Variants in PCDHA4 observed in about 807,000 individuals in gnomAD.
The protein encoded by PCDHA4 is protocadherin alpha 4, also known as protocadherin alpha-4.
A neutral mutation model predicts 61.4 loss-of-function variants in PCDHA4; 49 were observed. The ratio of observed to expected loss-of-function variants is 0.80; its 90% CI spans 0.63 to 1.01. PCDHA4 has a LOEUF of 1.01. PCDHA4 is among the 50% of genes least tolerant of loss of function. The probability of loss-of-function intolerance (pLI) is 0.00; values close to 1 mark genes in which losing one functional copy is unlikely to be tolerated. For missense variants in PCDHA4, 1,254 were observed against 1,235.8 expected (o/e 1.01, Z -0.22); for synonymous variants, 590 against 550.3 (o/e 1.07, Z -1.01).
In PCDHA4 at chr5:141,011,189, A is replaced by G. The variant is rs573647175; in HGVS notation, c.*1252A>G. On this transcript the variant is annotated 3_prime_UTR_variant, in exon 4 of 4. Coordinates refer to ENST00000530339, the MANE Select transcript of PCDHA4 (RefSeq NM_018907.4). ...CAAGACCCAAAAATTGAAGAAAAAT[A>G]TTGTTTTCTCATACAGTGAGCAGAT... 1.3e-5 allele frequency: 2 copies of G among 153,810 alleles called. No homozygotes were observed. Among genetic ancestry groups the G allele is most frequent in the African/African-American group, 4.8e-5 (2 of 41,570 alleles). 9.5% of individuals were successfully genotyped at this position (153,810 alleles called of 1,614,324 possible).
chr5:140,869,553 G>A (rs1554163226), intron 1 of PCDHA4: 1 of 1,614,056 alleles, frequency 6.2e-7, no homozygotes, highest in African/African-American at 1.3e-5. Flanking sequence ...AATCGGACTC[G>A]CGTTTTCCAC....
At chr5:140,870,667 T>C (rs251372) in intron 1 of PCDHA4, 777,079 of 1,612,370 alleles carry the variant, frequency 0.48, 188,810 homozygotes, top group South Asian at 0.57. Context: ...GCTGCAGCCG[T>C]TGGACCACGA....
intron 1 of PCDHA4, among the ~76,000 whole-genome samples, chr5:140,961,205 T>A (rs1215243152): frequency 1.3e-5 from 2 of 152,172 alleles, no homozygotes; most frequent in African/African-American, 4.8e-5. Context: ...GAGGTTGGTA[T>A]TGATGAAGAA....
At position 140,858,590 on chromosome 5, in the gene PCDHA4, C is replaced by T. The variant is rs781927983; in HGVS notation, c.2385+49018C>T. 16 of 1,324,580 alleles carry T rather than the reference C, an allele frequency of 1.2e-5. No homozygotes were observed. In the South Asian group the frequency reaches 2.3e-4, roughly 19 times the overall value. The allele number at this position is 1,324,580 out of a possible 1,614,324, so 82.1% of individuals were successfully genotyped here. A position where few individuals can be genotyped will look rare whatever the true frequency, so the allele number is the denominator to read the frequency against. ...TGATACCTTTGTAATATAATTTATTCCAGGAGTTTTAAAATTTTTTTATCC... is the reference window on the plus strand; with the variant it reads ...TGATACCTTTGTAATATAATTTATTTCAGGAGTTTTAAAATTTTTTTATCC... On this transcript the variant is annotated intron_variant, in intron 1 of 3. Transcript: ENST00000530339.
At chr5:140,900,177 A>G (rs1213706705) in intron 1 of PCDHA4, among the ~76,000 whole-genome samples, 1 of 152,194 alleles carries the variant, frequency 6.6e-6, no homozygotes, top group South Asian at 2.1e-4. Context: ...TGCCTGGTTT[A>G]TGTCACTTAT....
At chr5:140,885,124 T>C (rs1019759458) in intron 1 of PCDHA4, among the ~76,000 whole-genome samples, 35 of 152,216 alleles carry the variant, frequency 2.3e-4, no homozygotes, top group African/African-American at 8.2e-4. Flanking sequence ...TGCACTTTTC[T>C]TTCTTTCTTT....
chr5:140,851,135 A>G (rs782166459), intron 1 of PCDHA4: 3 of 1,314,088 alleles, frequency 2.3e-6, no homozygotes, highest in Admixed American at 2.9e-5. Flanking sequence ...ATTTGTGATT[A>G]AAGTGACATT....
At chr5:140,944,060 T>G in intron 1 of PCDHA4, among the ~76,000 whole-genome samples, 1 of 152,204 alleles carries the variant, frequency 6.6e-6, no homozygotes, top group Non-Finnish European at 1.5e-5. Flanking sequence ...ACAAAAAGGT[T>G]TCTTGTTAAA....
intron 1 of PCDHA4, chr5:140,866,995 A>G (rs1294829153): frequency 1.3e-5 from 2 of 152,138 alleles, no homozygotes; most frequent in Non-Finnish European, 2.9e-5. Flanking sequence ...AATGCAAAAG[A>G]TGGGTCATTG....
chr5:140,823,692 C>G (rs1179206603), intron 1 of PCDHA4: 3 of 1,613,816 alleles, frequency 1.9e-6, no homozygotes, highest in Non-Finnish European at 1.7e-6. Flanking sequence ...TGGATGAGAC[C>G]GAAGCACCGC....
chr5:140,934,490 C>T (rs189772593), intron 1 of PCDHA4, among the ~76,000 whole-genome samples: 35 of 152,244 alleles, frequency 2.3e-4, no homozygotes, highest in Admixed American at 1.4e-3. Context: ...ATATTCACCT[C>T]ATAAACACCC....
chr5:140,822,135 G>A (rs2150113933), intron 1 of PCDHA4: 6 of 1,614,254 alleles, frequency 3.7e-6, no homozygotes, highest in East Asian at 2.2e-5. Context: ...ATGTGGAGGT[G>A]GCAGTGAAGG....
chr5:140,857,101 C>T (rs781855221), intron 1 of PCDHA4: 2 of 1,597,612 alleles, frequency 1.3e-6, no homozygotes, highest in Non-Finnish European at 1.7e-6. Flanking sequence ...AGGTGATTGT[C>T]ACTTCTCTGT....
At chr5:140,848,856 G>C in intron 1 of PCDHA4, 1 of 1,590,682 alleles carries the variant, frequency 6.3e-7, no homozygotes, top group Non-Finnish European at 8.6e-7. Context: ...CCATGTGGAC[G>C]TGGAGGTGAA....
At position 140,857,729 on chromosome 5, in the gene PCDHA4, G is replaced by A. The variant is rs782508750; in HGVS notation, c.2385+48157G>A. 1.8e-5 allele frequency: 29 copies of A among 1,597,292 alleles called. 3 individuals are homozygous for A. The highest frequency in any genetic ancestry group is 1.3e-5 in the African/African-American group (1 of 74,288). ...GTTCGTGCTGGACGAGAACGACAACGCTCCCGCGCTGCTGGCGTCTCCCGC... is the reference window on the plus strand; with the variant it reads ...GTTCGTGCTGGACGAGAACGACAACACTCCCGCGCTGCTGGCGTCTCCCGC... On this transcript the variant is annotated intron_variant, in intron 1 of 3. Transcript: ENST00000530339.
At chr5:140,870,465 C>T (rs781918898) in intron 1 of PCDHA4, 1 of 1,614,208 alleles carries the variant, frequency 6.2e-7, no homozygotes, top group Non-Finnish European at 8.5e-7. Context: ...CGCCTGCGTT[C>T]GCACAGCCCG....
intron 3 of PCDHA4, among the ~76,000 whole-genome samples, chr5:141,000,361 G>GTCTCTCTCTC (rs148596731): frequency 1.1e-4 from 3 of 26,446 alleles, no homozygotes; most frequent in East Asian, 1.6e-3. Context: ...GTCTCTCTCT[G>GTCTCTCTCTC]TCTCTCTCTC....
In PCDHA4 at chr5:140,982,550, C is replaced by T. The variant is rs1554244485; in HGVS notation, c.2520C>T (p.Ser840=). ...CTGATCAGCAGTGGCCAACAGTATC[C>T]AGTGCAACACCAGGTAAAGAGCTGG... The part of the protein sequence containing the change: ...GGPDQQWPTV[S]SATPEPEAGE... The change falls in exon 3 of 4, where the codon TCC becomes TCT. Residue 840 remains serine, a synonymous_variant. Transcript: ENST00000530339. The T allele has an allele frequency of 6.2e-7, 1 of 1,614,176 alleles. No homozygotes were observed. The highest frequency in any genetic ancestry group is 1.7e-5 in the Admixed American group (1 of 60,028).
intron 1 of PCDHA4, chr5:140,823,750 A>G (rs2150128815): frequency 2.0e-5 from 32 of 1,613,782 alleles, no homozygotes; most frequent in Non-Finnish European, 2.5e-5. Flanking sequence ...GCCCCCGCTG[A>G]CAGCCACAGC....
Sources: allele counts gnomAD v4.1 joint callset (sites outside exome capture counted in the v4.1 genomes callset), GRCh38; gene constraint gnomAD v4.1.1; transcripts MANE v1.5; gene names NCBI Gene and HGNC (gene_info 2026-07-23, HGNC 2026-07-21).